The following ACBD6 variants were observed in gnomAD, a reference collection of about 807,000 sequenced individuals.
ACBD6 encodes acyl-CoA binding domain containing 6, also known as acyl-CoA-binding domain-containing protein 6.
ACBD6 carries 28 observed loss-of-function variants against 37.2 expected under a neutral mutation model. The observed-to-expected ratio is 0.75, with a 90% CI of 0.56 to 1.03. The LOEUF is 1.03. Among genes scored for constraint, ACBD6 ranks in the 50% least tolerant of loss-of-function variants. ACBD6 has a pLI of 0.00. For missense variants in ACBD6, 340 were observed against 337.4 expected (o/e 1.01, Z -0.06); for synonymous variants, 113 against 126.8 (o/e 0.89, Z 0.73).
rs1255919030 is a variant in ACBD6, at chr1:180,435,333, C to T, written c.385-5071G>A. On this transcript the variant is annotated intron_variant, in intron 3 of 7. Transcript: ENST00000367595. Reference sequence around the variant, plus strand: ...GCAGGATCTCAGCTCACTGCAAGCTCCGTCTCCTGGTTTCACGCCATTCTC... The same window carrying T: ...GCAGGATCTCAGCTCACTGCAAGCTTCGTCTCCTGGTTTCACGCCATTCTC... 3.4e-5 allele frequency: 15 copies of T among 439,720 alleles called. No individual in the cohort carries two copies. The East Asian group carries it at 7.0e-4, about 20-fold the overall frequency. 27.2% of individuals were successfully genotyped at this position (439,720 alleles called of 1,614,324 possible).
At chr1:180,481,370 G>A (rs954778767) in intron 3 of ACBD6, among the ~76,000 whole-genome samples, 2 of 152,096 alleles carry the variant, frequency 1.3e-5, no homozygotes, top group Non-Finnish European at 2.9e-5. Flanking sequence ...GAATGATAAG[G>A]AGAGACACAG....
At chr1:180,408,461 T>G (rs530687128) in intron 5 of ACBD6, among the ~76,000 whole-genome samples, 1 of 151,834 alleles carries the variant, frequency 6.6e-6, no homozygotes, top group African/African-American at 2.4e-5. Flanking sequence ...TAGGTGGGAA[T>G]TGAACAATGA....
intron 1 of ACBD6, among the ~76,000 whole-genome samples, chr1:180,500,576 C>T (rs1420795793): frequency 6.6e-6 from 1 of 151,720 alleles, no homozygotes; most frequent in East Asian, 1.9e-4. Flanking sequence ...CACCTGTAAT[C>T]CCAGCTACTC....
chr1:180,388,847 T>C (rs1558278193), intron 6 of ACBD6, among the ~76,000 whole-genome samples: 1 of 152,044 alleles, frequency 6.6e-6, no homozygotes, highest in East Asian at 1.9e-4. Flanking sequence ...AGTAATAAAT[T>C]TAACAAAAGA....
intron 6 of ACBD6, among the ~76,000 whole-genome samples, chr1:180,371,651 G>C (rs946293761): frequency 6.6e-6 from 1 of 152,044 alleles, no homozygotes; most frequent in Non-Finnish European, 1.5e-5. Flanking sequence ...AGGAACACTG[G>C]ATAAAAATGT....
At chr1:180,449,618 G>A (rs1649619521) in intron 3 of ACBD6, among the ~76,000 whole-genome samples, 1 of 151,866 alleles carries the variant, frequency 6.6e-6, no homozygotes, top group Admixed American at 6.6e-5. Context: ...ATGTTGGCCA[G>A]GCTGGTCTTG....
At chr1:180,295,271 ATTTTT>A (rs35514630) in intron 7 of ACBD6, among the ~76,000 whole-genome samples, 1 of 131,928 alleles carries the variant, frequency 7.6e-6, no homozygotes. Flanking sequence ...GCATCCTGCA[ATTTTT>A]TTTTTTTTTT....
intron 6 of ACBD6, among the ~76,000 whole-genome samples, chr1:180,397,082 T>C (rs189107696): frequency 2.2e-4 from 34 of 152,220 alleles, no homozygotes; most frequent in Non-Finnish European, 4.1e-4. Flanking sequence ...ATAAACAACA[T>C]TTGGGATATC....
At chr1:180,485,107 T>C (rs888384903) in intron 3 of ACBD6, among the ~76,000 whole-genome samples, 1 of 151,492 alleles carries the variant, frequency 6.6e-6, no homozygotes, top group African/African-American at 2.4e-5. Context: ...TATCTATAGA[T>C]ACATACATTT....
chr1:180,437,016 T>C (rs1649066112), intron 3 of ACBD6, among the ~76,000 whole-genome samples: 2 of 152,182 alleles, frequency 1.3e-5, no homozygotes, highest in South Asian at 2.1e-4. Flanking sequence ...AAAATCAAGC[T>C]ATAACCCCAT....
rs926740169 is a variant in ACBD6, at chr1:180,430,219, C to T, written c.428G>A (p.Gly143Glu). 1.2e-6 allele frequency: 2 copies of T among 1,613,206 alleles called. No homozygotes were observed. The change falls in exon 4 of 8, where the codon GGG becomes GAG. Residue 143 changes from glycine (G) to glutamate (E), a missense_variant. Gly to Glu is a moderately conservative substitution (Grantham distance 98). Coordinates refer to ENST00000367595, the MANE Select transcript of ACBD6 (RefSeq NM_032360.4). ...ATGATATAGAGAACTAATAACTGGC[C>T]CACCAAAACCTGTATTTGCTTCTTT... ...KGKEANTGFG[G>E]PVISSLYHEE... is the part of the protein sequence containing the mutation.
chr1:180,309,599 T>A (rs766098196), intron 7 of ACBD6, among the ~76,000 whole-genome samples: 2 of 152,180 alleles, frequency 1.3e-5, no homozygotes, highest in African/African-American at 4.8e-5. Context: ...CAGCAGGGCA[T>A]GTGGGTGCAC....
intron 5 of ACBD6, among the ~76,000 whole-genome samples, chr1:180,405,631 A>G (rs914114122): frequency 1.3e-5 from 2 of 152,212 alleles, no homozygotes; most frequent in African/African-American, 4.8e-5. Context: ...CAAAGATTTA[A>G]AATACTATTT....
intron 3 of ACBD6, among the ~76,000 whole-genome samples, chr1:180,446,482 GA>G (rs1327739655): frequency 6.6e-6 from 1 of 152,016 alleles, no homozygotes; most frequent in Non-Finnish European, 1.5e-5. Context: ...TAATCCTTTT[GA>G]AATACTAAAT....
chr1:180,417,176 T>C (rs1162141510), intron 4 of ACBD6, among the ~76,000 whole-genome samples: 2 of 152,166 alleles, frequency 1.3e-5, no homozygotes, highest in East Asian at 3.8e-4. Context: ...TCATTTTAAG[T>C]GACTCAATTT....
intron 3 of ACBD6, among the ~76,000 whole-genome samples, chr1:180,481,178 T>C (rs1373313595): frequency 1.3e-5 from 2 of 152,112 alleles, no homozygotes; most frequent in Non-Finnish European, 2.9e-5. Flanking sequence ...TGATTCTCTC[T>C]ATATAAATCA....
intron 6 of ACBD6, among the ~76,000 whole-genome samples, chr1:180,376,555 G>C (rs976886715): frequency 4.6e-5 from 7 of 152,088 alleles, no homozygotes; most frequent in Non-Finnish European, 7.4e-5. Flanking sequence ...ACTGTTAGGT[G>C]AAAAAGTGAT....
intron 2 of ACBD6, 105 bp downstream of exon 2, chr1:180,495,356 A>G: frequency 1.3e-6 from 1 of 796,910 alleles, no homozygotes; most frequent in Admixed American, 2.7e-5. Context: ...CAGCAGAGAG[A>G]GAGATTAATA....
intron 6 of ACBD6, among the ~76,000 whole-genome samples, chr1:180,383,361 T>C (rs1653731035): frequency 6.6e-6 from 1 of 152,014 alleles, no homozygotes; most frequent in African/African-American, 2.4e-5. Context: ...AAAATCAACA[T>C]ATAAAAAATC....
Sources: gnomAD v4.1 joint callset for allele counts (sites outside exome capture counted in the v4.1 genomes callset) on GRCh38, gnomAD v4.1.1 for gene constraint, MANE v1.5 for transcripts, NCBI Gene and HGNC (gene_info 2026-07-23, HGNC 2026-07-21) for gene names.